GPHN: variants seen among roughly 807,000 people sequenced by gnomAD.
The protein encoded by GPHN is gephyrin.
In GPHN, 17 loss-of-function variants were observed where a neutral mutation model predicts 95.5. The ratio of observed to expected loss-of-function variants is 0.18; its 90% CI spans 0.12 to 0.27. The LOEUF (loss-of-function observed/expected upper bound fraction) is 0.27. Ranked by LOEUF, GPHN falls within the 10% of genes least tolerant of loss-of-function variation. GPHN has a pLI of 1.00. For synonymous variants in GPHN, 320 were observed against 322.5 expected (o/e 0.99, Z 0.08); for missense variants, 660 against 978.1 (o/e 0.67, Z 4.34).
At chr14:67,453,566 C>G in the GPHN span, among the ~76,000 whole-genome samples, 1 of 152,120 alleles carries the variant, frequency 6.6e-6, no homozygotes, top group Non-Finnish European at 1.5e-5. Flanking sequence ...CTATTTTTGC[C>G]CCCAAAAGAT....
the GPHN span, among the ~76,000 whole-genome samples, chr14:67,536,781 G>A: frequency 4.0e-5 from 6 of 151,886 alleles, no homozygotes; most frequent in South Asian, 2.1e-4. Context: ...GGTGGCTCAC[G>A]CCTGTAATCC....
At chr14:66,930,914 G>T (rs2066755972) in intron 8 of GPHN, among the ~76,000 whole-genome samples, 1 of 152,112 alleles carries the variant, frequency 6.6e-6, no homozygotes, top group Admixed American at 6.5e-5. Context: ...ATAATATTCT[G>T]TGTTTGTCTG....
chr14:66,590,645 A>T (rs2061601072), intron 1 of GPHN, among the ~76,000 whole-genome samples: 1 of 152,206 alleles, frequency 6.6e-6, no homozygotes, highest in Non-Finnish European at 1.5e-5. Flanking sequence ...CAAGTTCTGA[A>T]ATTGAGGCAG....
chr14:67,122,480 C>A, intron 17 of GPHN, 103 bp downstream of exon 17: 1 of 971,618 alleles, frequency 1.0e-6, no homozygotes, highest in Non-Finnish European at 1.6e-6. Flanking sequence ...AATTTAATGT[C>A]ATAATTTTCA....
the GPHN span, among the ~76,000 whole-genome samples, chr14:67,230,199 G>C: frequency 0.16 from 23,814 of 152,102 alleles, 3,518 homozygotes; most frequent in East Asian, 0.42. Context: ...CTTTCTATTT[G>C]TATCTAGCAA....
intron 10 of GPHN, among the ~76,000 whole-genome samples, chr14:67,035,266 A>G (rs1482144700): frequency 6.6e-6 from 1 of 151,994 alleles, no homozygotes; most frequent in Non-Finnish European, 1.5e-5. Context: ...AGAAGTTTAT[A>G]TTAGTGGCAT....
intron 2 of GPHN, among the ~76,000 whole-genome samples, chr14:66,744,949 G>A (rs529370130): frequency 6.6e-6 from 1 of 152,152 alleles, no homozygotes; most frequent in East Asian, 1.9e-4. Context: ...CGTCCCTGTG[G>A]TAGAAGTTTC....
chr14:67,059,736 G>C (rs1196381106), intron 11 of GPHN, among the ~76,000 whole-genome samples: 1 of 152,084 alleles, frequency 6.6e-6, no homozygotes, highest in Non-Finnish European at 1.5e-5. Flanking sequence ...CCAGATTTTA[G>C]CTCTTTCGTC....
At position 67,058,802 on chromosome 14, in the gene GPHN, A is replaced by AC; in HGVS notation, c.1144+18dup. 6.2e-7 allele frequency: 1 copy of AC among 1,609,784 alleles called. No individual in the cohort carries two copies. Among genetic ancestry groups the AC allele is most frequent in the Non-Finnish European group, 8.5e-7 (1 of 1,176,364 alleles). On this transcript the variant is annotated intron_variant, in intron 11 of 22. Transcript: ENST00000478722. ...AATTACCGAGGTACTATTATATTTG[A>AC]CCATTGCCCTTTCTTTTCTTCATTT...
chr14:67,500,664 C>G, the GPHN span, among the ~76,000 whole-genome samples: 12 of 151,154 alleles, frequency 7.9e-5, no homozygotes, highest in East Asian at 2.4e-3. Flanking sequence ...CTCCACCTCC[C>G]AGGTTCATGC....
chr14:67,580,916 T>C, the GPHN span: 247 of 1,535,440 alleles, frequency 1.6e-4, 3 homozygotes, highest in East Asian at 4.7e-3. Context: ...ATTTTCTGAC[T>C]TTCTTCTTTT....
chr14:66,945,978 G>C (rs1229789559), intron 8 of GPHN, among the ~76,000 whole-genome samples: 1 of 151,564 alleles, frequency 6.6e-6, no homozygotes, highest in Non-Finnish European at 1.5e-5. Context: ...TTTTTTTCTG[G>C]GCCTGTGGAC....
chr14:67,700,575 C>A, the GPHN span, among the ~76,000 whole-genome samples: 3 of 151,636 alleles, frequency 2.0e-5, no homozygotes, highest in South Asian at 2.1e-4. Context: ...ATTAGCCGGG[C>A]GTGGTGGCGG....
intron 4 of GPHN, among the ~76,000 whole-genome samples, chr14:66,862,999 T>G (rs1303776579): frequency 1.3e-5 from 2 of 152,072 alleles, no homozygotes; most frequent in African/African-American, 4.8e-5. Flanking sequence ...GAGAAAGATA[T>G]AAAGGGCATC....
the GPHN span, among the ~76,000 whole-genome samples, chr14:67,323,365 C>A: frequency 6.6e-6 from 1 of 151,542 alleles, no homozygotes; most frequent in African/African-American, 2.4e-5. Context: ...GTAATCCCAG[C>A]ACTTTGGGAG....
chr14:67,225,962 T>TGC, the GPHN span, among the ~76,000 whole-genome samples: 1,561 of 113,458 alleles, frequency 0.014, 12 homozygotes, highest in Admixed American at 0.025. Context: ...TGTGTGTGTG[T>TGC]GCGCGCGCGC....
intron 3 of GPHN, among the ~76,000 whole-genome samples, chr14:66,790,772 G>A (rs1257138502): frequency 6.6e-6 from 1 of 152,182 alleles, no homozygotes; most frequent in Non-Finnish European, 1.5e-5. Context: ...CAGTGACACT[G>A]AATGAAAAGT....
the GPHN span, among the ~76,000 whole-genome samples, chr14:67,567,702 C>T: frequency 6.6e-6 from 1 of 152,228 alleles, no homozygotes; most frequent in African/African-American, 2.4e-5. Flanking sequence ...CTGCTGCTCC[C>T]CTCTGGGATG....
At chr14:67,499,875 G>C in the GPHN span, among the ~76,000 whole-genome samples, 1 of 152,086 alleles carries the variant, frequency 6.6e-6, no homozygotes, top group African/African-American at 2.4e-5. Flanking sequence ...TTCAATTGAC[G>C]GGATAGCTTA....
Sources: allele counts gnomAD v4.1 joint callset (sites outside exome capture counted in the v4.1 genomes callset), GRCh38; gene constraint gnomAD v4.1.1; transcripts MANE v1.5; gene names NCBI Gene and HGNC (gene_info 2026-07-23, HGNC 2026-07-21).